Variants in GSDME observed in about 807,000 individuals in gnomAD.
The protein encoded by GSDME is gasdermin E, also known as gasdermin-E.
Under a neutral mutation model 47.5 loss-of-function variants are expected in GSDME, and 44 were observed. The ratio of observed to expected loss-of-function variants is 0.93; its 90% CI spans 0.73 to 1.19. The LOEUF (loss-of-function observed/expected upper bound fraction) is 1.19, where lower values mean the gene tolerates loss of function less well. Among genes scored for constraint, GSDME ranks in the 50% most tolerant of loss-of-function variants. GSDME has a pLI of 0.00. For synonymous variants in GSDME, 258 were observed against 252.8 expected, an observed-to-expected ratio of 1.02 and a Z score of -0.20; for missense variants, 663 against 604.2, an observed-to-expected ratio of 1.10 and a Z score of -1.02.
the GSDME span, among the ~76,000 whole-genome samples, chr7:24,790,595 G>A: frequency 0.087 from 13,170 of 152,204 alleles, 752 homozygotes; most frequent in South Asian, 0.12. This position sits in a 1 kb window ranked among gnomAD's most constrained non-coding sequence, Gnocchi z 4.1. Flanking sequence ...AGTCCCGGTG[G>A]GACTCCAGGT....
At chr7:24,722,416 C>T (rs555853320) in intron 3 of GSDME, among the ~76,000 whole-genome samples, 1 of 152,334 alleles carries the variant, frequency 6.6e-6, no homozygotes, top group Admixed American at 6.5e-5. Flanking sequence ...GCCATTGTAA[C>T]CACCGGTCAG....
At chr7:24,730,644 G>T (rs143575306) in intron 3 of GSDME, among the ~76,000 whole-genome samples, 1 of 151,888 alleles carries the variant, frequency 6.6e-6, no homozygotes, top group South Asian at 2.1e-4. Context: ...GTGAAACCCC[G>T]TCTCTACTAA....
chr7:24,777,070 G>A, the GSDME span, among the ~76,000 whole-genome samples: 1 of 151,728 alleles, frequency 6.6e-6, no homozygotes, highest in Non-Finnish European at 1.5e-5. Context: ...ATTTCTAAAA[G>A]TAACGAATTA....
intron 6 of GSDME, 121 bp from the exon 7 acceptor site, chr7:24,708,375 A>C: frequency 8.3e-7 from 1 of 1,204,812 alleles, no homozygotes; most frequent in Non-Finnish European, 1.2e-6. Context: ...TCCCAGCTGC[A>C]TAGTCAGTCA....
chr7:24,780,549 C>A, the GSDME span, among the ~76,000 whole-genome samples: 1 of 152,222 alleles, frequency 6.6e-6, no homozygotes, highest in South Asian at 2.1e-4. This position sits in a 1 kb window ranked among gnomAD's most constrained non-coding sequence, Gnocchi z 4.1. Context: ...CCCTTCTTGC[C>A]TGGATAGCTT....
rs1790189002 is a variant in GSDME, at chr7:24,732,800, A to T, written c.404+11762T>A. On this transcript the variant is annotated intron_variant, in intron 3 of 9. Coordinates refer to ENST00000645220, the MANE Select transcript of GSDME (RefSeq NM_001127453.2). This position sits in a 1 kb window ranked among gnomAD's most constrained non-coding sequence, Gnocchi z 4.8. ...GGCAAGCCTCGCCACCATGGGCTAAAGTGCTTTGGTGTTCTAAATAAACTA... is the reference window on the plus strand; with the variant it reads ...GGCAAGCCTCGCCACCATGGGCTAATGTGCTTTGGTGTTCTAAATAAACTA... Among the ~76,000 whole-genome samples the T allele has an allele frequency of 6.6e-6, 1 of 152,212 alleles. No individual in the cohort carries two copies. The highest frequency in any genetic ancestry group is 1.5e-5 in the Non-Finnish European group (1 of 68,036).
the GSDME span, among the ~76,000 whole-genome samples, chr7:24,766,260 C>G: frequency 1.3e-5 from 2 of 149,890 alleles, no homozygotes; most frequent in African/African-American, 4.9e-5. The surrounding 1 kb of genome is among the most constrained non-coding windows in gnomAD (Gnocchi z 4.2). Context: ...ATTCATTTTG[C>G]TTTTAATAAA....
Position 24,744,567 on chromosome 7 carries a change from G to C in GSDME, c.399C>G (p.Ala133=). 6.2e-7 allele frequency: 1 copy of C among 1,614,008 alleles called. No individual in the cohort carries two copies. The highest frequency in any genetic ancestry group is 8.5e-7 in the Non-Finnish European group (1 of 1,179,988). Residue 133 remains alanine, a synonymous_variant, in exon 3 of 10, where the codon GCC becomes GCG. Transcript: ENST00000645220. This position sits in a 1 kb window ranked among gnomAD's most constrained non-coding sequence, Gnocchi z 4.5. ...VDLQQLIRDS[A]ERTINLRNPV... The stretch of plus-strand genomic sequence containing the variant: ...TGCCAAACAAGTCTCCTTACCTCTC[G>C]GCAGAGTCTCTGATGAGCTGCTGCA...
At chr7:24,761,577 A>T (rs2128070692), upstream of GSDME, among the ~76,000 whole-genome samples, 1 of 152,340 alleles carries the variant, frequency 6.6e-6, no homozygotes, top group South Asian at 2.1e-4. This position sits in a 1 kb window ranked among gnomAD's most constrained non-coding sequence, Gnocchi z 4.4. Flanking sequence ...TTGGTGATTA[A>T]GTTTCAACAT....
intron 7 of GSDME, among the ~76,000 whole-genome samples, chr7:24,707,030 G>GTC (rs1347927610): frequency 1.3e-5 from 2 of 152,222 alleles, no homozygotes; most frequent in African/African-American, 4.8e-5. Flanking sequence ...GGAAGTAGAA[G>GTC]TCAATGGGCT....
chr7:24,783,711 G>A, the GSDME span, among the ~76,000 whole-genome samples: 1 of 152,054 alleles, frequency 6.6e-6, no homozygotes, highest in Non-Finnish European at 1.5e-5. Flanking sequence ...TGAGGCAGGG[G>A]TTCTGGGGCT....
rs1382418459 is a variant in GSDME, at chr7:24,718,975, C to T, written c.576+72G>A. 3 of 1,550,852 alleles carry T rather than the reference C, an allele frequency of 1.9e-6. No individual in the cohort carries two copies. The African/African-American group carries it at 4.1e-5, about 21-fold the overall frequency. ...AGAGTCCTGACTAATGAAGACACCA[C>T]CCAAAGAGGCCCCCAACCAAGGTCT... On this transcript the variant is annotated intron_variant, in intron 4 of 9. Coordinates refer to ENST00000645220, the MANE Select transcript of GSDME (RefSeq NM_001127453.2).
chr7:24,703,690 A>C (rs1446038343), intron 8 of GSDME: 1 of 152,596 alleles, frequency 6.6e-6, no homozygotes, highest in African/African-American at 2.4e-5. Context: ...TGTGACCCAG[A>C]GAGTACATGG....
chr7:24,736,996 G>C lies in GSDME; in HGVS notation c.404+7566C>G, dbSNP rs1352610088. On this transcript the variant is annotated intron_variant, in intron 3 of 9. Coordinates refer to ENST00000645220, the MANE Select transcript of GSDME (RefSeq NM_001127453.2). This position sits in a 1 kb window ranked among gnomAD's most constrained non-coding sequence, Gnocchi z 4.6. ...CAGAAACACAACAGCAAAACCTATG[G>C]GGTACATCAAAAGCAGTACTAAGAG... Among the ~76,000 whole-genome samples the C allele has an allele frequency of 6.6e-6, 1 of 151,904 alleles. No homozygotes were observed. The highest frequency in any genetic ancestry group is 2.4e-5 in the African/African-American group (1 of 41,358).
At chr7:24,738,824 A>AT (rs1410894437) in intron 3 of GSDME, among the ~76,000 whole-genome samples, 1 of 152,180 alleles carries the variant, frequency 6.6e-6, no homozygotes, top group Non-Finnish European at 1.5e-5. Context: ...CCGGAAACAA[A>AT]TCCATACATT....
rs182323180 is a variant in GSDME, at chr7:24,712,590, G to A, written c.698-2202C>T. 1.8e-4 allele frequency among the ~76,000 whole-genome samples: 27 copies of A among 152,324 alleles called. No individual in the cohort carries two copies. Among genetic ancestry groups the A allele is most frequent in the Admixed American group, 5.9e-4 (9 of 15,302 alleles). On this transcript the variant is annotated intron_variant, in intron 5 of 9. Coordinates refer to ENST00000645220, the MANE Select transcript of GSDME (RefSeq NM_001127453.2). This position sits in a 1 kb window ranked among gnomAD's most constrained non-coding sequence, Gnocchi z 4.4. ...CAAAGGACTACAACCAGGCCTTGACGATGAGTGTGGTAAGAGTGGGGACAG... is the reference window on the plus strand; with the variant it reads ...CAAAGGACTACAACCAGGCCTTGACAATGAGTGTGGTAAGAGTGGGGACAG...
the GSDME span, among the ~76,000 whole-genome samples, chr7:24,784,464 C>G: frequency 4.6e-5 from 7 of 152,042 alleles, no homozygotes; most frequent in African/African-American, 1.7e-4. Flanking sequence ...GATCTGAGAT[C>G]CCCCGGCAAA....
the GSDME span, among the ~76,000 whole-genome samples, chr7:24,787,744 T>A: frequency 6.6e-6 from 1 of 152,146 alleles, no homozygotes; most frequent in East Asian, 1.9e-4. The surrounding 1 kb of genome is among the most constrained non-coding windows in gnomAD (Gnocchi z 5.0). Flanking sequence ...TCTCGCTCTG[T>A]CGCCCAGGCT....
At chr7:24,761,113 C>G (rs1225083542), upstream of GSDME, among the ~76,000 whole-genome samples, 1 of 152,226 alleles carries the variant, frequency 6.6e-6, no homozygotes, top group Non-Finnish European at 1.5e-5. This position sits in a 1 kb window ranked among gnomAD's most constrained non-coding sequence, Gnocchi z 4.4. Context: ...CTATATCTCA[C>G]AATTTTGTAG....
Sources: allele counts gnomAD v4.1 joint callset (sites outside exome capture counted in the v4.1 genomes callset), GRCh38; gene constraint gnomAD v4.1.1; non-coding constraint Gnocchi (gnomAD v3.1); transcripts MANE v1.5; gene names NCBI Gene and HGNC (gene_info 2026-07-23, HGNC 2026-07-21).